The following TENM2 variants were observed in gnomAD, a reference collection of about 807,000 sequenced individuals.
TENM2 encodes the protein teneurin-2.
In TENM2, 52 loss-of-function variants were observed where a neutral mutation model predicts 245.2. The observed-to-expected ratio is 0.21, with a 90% CI of 0.17 to 0.27. The LOEUF (loss-of-function observed/expected upper bound fraction) is 0.27. Ranked by LOEUF, TENM2 falls within the 10% of genes least tolerant of loss-of-function variation. The probability of loss-of-function intolerance (pLI) is 1.00; values close to 1 mark genes in which losing one functional copy is unlikely to be tolerated. For missense variants in TENM2, 3,046 were observed against 3,666.8 expected, an observed-to-expected ratio of 0.83 and a Z score of 4.37; for synonymous variants, 1,363 against 1,438.9, an observed-to-expected ratio of 0.95 and a Z score of 1.19.
At chr5:167,292,485 C>G (rs1318160109) in intron 1 of TENM2, among the ~76,000 whole-genome samples, 4 of 152,186 alleles carry the variant, frequency 2.6e-5, no homozygotes, top group African/African-American at 9.6e-5. Flanking sequence ...TGGGCAGCTT[C>G]CAATATTTCA....
intron 2 of TENM2, among the ~76,000 whole-genome samples, chr5:167,810,621 G>GA (rs113028007): frequency 9.1e-4 from 129 of 142,368 alleles, no homozygotes; most frequent in African/African-American, 1.8e-3. Flanking sequence ...GGAGAGAGAG[G>GA]AAAAAAAAAA....
chr5:167,766,680 C>T (rs571341856), intron 2 of TENM2, among the ~76,000 whole-genome samples: 82 of 152,142 alleles, frequency 5.4e-4, no homozygotes, highest in Non-Finnish European at 1.1e-3. Context: ...AGTTCGAGAC[C>T]AGCCTGGCCA....
chr5:167,357,326 A>G (rs1462977430), intron 1 of TENM2, among the ~76,000 whole-genome samples: 2 of 130,560 alleles, frequency 1.5e-5, no homozygotes, highest in African/African-American at 5.9e-5. Flanking sequence ...CTTGTTGCCC[A>G]GGCTGGAGTT....
chr5:167,331,932 A>C (rs2127792373), intron 1 of TENM2, among the ~76,000 whole-genome samples: 1 of 152,332 alleles, frequency 6.6e-6, no homozygotes, highest in East Asian at 1.9e-4. Flanking sequence ...AAATGCAGTA[A>C]AAAAATCAAG....
At chr5:167,870,731 A>G (rs2112309) in intron 2 of TENM2, among the ~76,000 whole-genome samples, 42,313 of 149,766 alleles carry the variant, frequency 0.28, 6,975 homozygotes, top group African/African-American at 0.46. Context: ...TATATGTGTG[A>G]TAATGAGGTC....
chr5:167,983,757 C>T (rs1019336809), intron 4 of TENM2, among the ~76,000 whole-genome samples: 1 of 152,176 alleles, frequency 6.6e-6, no homozygotes, highest in Non-Finnish European at 1.5e-5. Flanking sequence ...CATAAATTCT[C>T]AACTGGAAGA....
intron 12 of TENM2, among the ~76,000 whole-genome samples, chr5:168,158,850 T>TATATATATATATATATATATATATAC (rs1339051385): frequency 1.3e-4 from 8 of 62,326 alleles, no homozygotes; most frequent in Non-Finnish European, 2.5e-4. Flanking sequence ...TATATATATA[T>TATATATATATATATATATATATATAC]ACACACACAC....
intron 5 of TENM2, among the ~76,000 whole-genome samples, chr5:167,996,301 A>C (rs895761865): frequency 2.0e-5 from 3 of 151,930 alleles, no homozygotes; most frequent in African/African-American, 7.3e-5. Flanking sequence ...GGGGTCAGAG[A>C]ACTTTTATGA....
At chr5:167,561,575 G>A (rs1193068889) in intron 2 of TENM2, among the ~76,000 whole-genome samples, 2 of 152,120 alleles carry the variant, frequency 1.3e-5, no homozygotes, top group African/African-American at 2.4e-5. Flanking sequence ...AAGATGAAAC[G>A]TCTATGTTGT....
chr5:167,154,268 T>C, the TENM2 span, among the ~76,000 whole-genome samples: 1 of 152,222 alleles, frequency 6.6e-6, no homozygotes, highest in Non-Finnish European at 1.5e-5. Context: ...GTTTGGAACA[T>C]GTATTTTAAA....
At chr5:167,489,637 T>TA (rs780155700) in intron 2 of TENM2, among the ~76,000 whole-genome samples, 1 of 152,234 alleles carries the variant, frequency 6.6e-6, no homozygotes, top group Non-Finnish European at 1.5e-5. Flanking sequence ...TTTACTGCTG[T>TA]AATTTTATTC....
rs1407403395 is a variant in TENM2, at chr5:168,247,266, G to A, written c.6327G>A (p.Glu2109=). The change falls in exon 27 of 29, where the codon GAG becomes GAA. Residue 2109 remains glutamate (E), a synonymous_variant. Coordinates refer to ENST00000518659, the Ensembl canonical transcript of TENM2. This position sits in a 1 kb window ranked among gnomAD's most constrained non-coding sequence, Gnocchi z 7.8. ...CAAGCATCAAGCCCGTCATAAGTGA[G>A]ACTCCCCTCCCCGTTGACCTCTACC... 3 of 1,613,954 alleles carry A rather than the reference G, an allele frequency of 1.9e-6. No homozygotes were observed. The highest frequency in any genetic ancestry group is 2.5e-6 in the Non-Finnish European group (3 of 1,179,892).
At chr5:167,949,674 C>T (rs1779924300) in intron 3 of TENM2, among the ~76,000 whole-genome samples, 1 of 152,120 alleles carries the variant, frequency 6.6e-6, no homozygotes, top group East Asian at 1.9e-4. Flanking sequence ...GGTAGCACGC[C>T]CAGGTTCACA....
chr5:168,251,953 G>A (rs893053834), intron 27 of TENM2, among the ~76,000 whole-genome samples: 2 of 152,234 alleles, frequency 1.3e-5, no homozygotes, highest in African/African-American at 2.4e-5. Context: ...AGGAGCAGGC[G>A]GAGGGGGCAA....
In TENM2 at chr5:167,868,566, G is replaced by A. The variant is rs149122319; in HGVS notation, c.503-7420G>A. Among the ~76,000 whole-genome samples the A allele has an allele frequency of 2.8e-4, 43 of 151,706 alleles. 3 individuals are homozygous for A. The highest frequency in any genetic ancestry group is 9.9e-4 in the African/African-American group (41 of 41,394). ...CCAGCCTGCAACATGGTGAAACCCC[G>A]TCTCTACTAAAAATCCAAATATTAG... On this transcript the variant is annotated intron_variant, in intron 2 of 28. Transcript: ENST00000518659.
intron 7 of TENM2, among the ~76,000 whole-genome samples, chr5:168,077,454 T>A (rs897087950): frequency 4.6e-5 from 7 of 152,066 alleles, no homozygotes; most frequent in Non-Finnish European, 1.0e-4. Context: ...ATACTTTAAA[T>A]TCTAGGGTAC....
intron 1 of TENM2, among the ~76,000 whole-genome samples, chr5:167,337,201 A>G (rs1032174277): frequency 6.6e-6 from 1 of 151,712 alleles, no homozygotes; most frequent in African/African-American, 2.4e-5. Flanking sequence ...GATAAGGGAT[A>G]CTCAATTTGT....
At chr5:167,799,600 T>C (rs1358027459) in intron 2 of TENM2, among the ~76,000 whole-genome samples, 6 of 152,210 alleles carry the variant, frequency 3.9e-5, no homozygotes, top group Admixed American at 3.9e-4. Flanking sequence ...AAAGCTCTAA[T>C]TAAGATGCTT....
chr5:168,067,350 C>A (rs1470201037), intron 7 of TENM2, among the ~76,000 whole-genome samples: 1 of 151,978 alleles, frequency 6.6e-6, no homozygotes, highest in Non-Finnish European at 1.5e-5. Context: ...AACTCATTAG[C>A]CAATAGGGAG....
Sources: gnomAD v4.1 joint callset for allele counts (sites outside exome capture counted in the v4.1 genomes callset) on GRCh38, gnomAD v4.1.1 for gene constraint, Gnocchi (gnomAD v3.1) non-coding constraint, MANE v1.5 for transcripts, NCBI Gene and HGNC (gene_info 2026-07-23, HGNC 2026-07-21) for gene names.